Variants in ZC3HC1 observed in about 807,000 individuals in gnomAD.
The protein encoded by ZC3HC1 is zinc finger C3HC-type containing 1.
A neutral mutation model predicts 61.9 loss-of-function variants in ZC3HC1; 38 were observed. The observed-to-expected ratio is 0.61, with a 90% CI of 0.47 to 0.81. ZC3HC1 has a LOEUF of 0.81. ZC3HC1 is among the 30% of genes least tolerant of loss of function. The pLI is 0.00. For synonymous variants in ZC3HC1, 213 were observed against 229.9 expected (o/e 0.93, Z 0.67); for missense variants, 554 against 622.7 (o/e 0.89, Z 1.17).
chr7:130,037,864 G>A (rs1324190107), intron 4 of ZC3HC1, among the ~76,000 whole-genome samples: 1 of 152,162 alleles, frequency 6.6e-6, no homozygotes, highest in Non-Finnish European at 1.5e-5. Flanking sequence ...TGGGTCTAAA[G>A]AATTTTTTTA....
At chr7:130,045,495 G>A (rs1322365523) in intron 2 of ZC3HC1, 2 of 457,442 alleles carry the variant, frequency 4.4e-6, no homozygotes, top group South Asian at 3.1e-5. Context: ...TGGTCTATAG[G>A]AGACAAAATG....
Position 130,018,699 on chromosome 7 carries a change from T to G in ZC3HC1, c.1474A>C (p.Ile492Leu). 1 of 1,612,682 alleles carries G rather than the reference T, an allele frequency of 6.2e-7. No homozygotes were observed. The highest frequency in any genetic ancestry group is 1.1e-5 in the South Asian group (1 of 90,944). ...LSEKSRKVFR[I>L]FRQWESLCSC is the part of the protein sequence containing the mutation. ...CACAGAGATTCCCACTGCCGAAATA[T>G]TCGGAATACTTTCCTTGATTTCTCA... The change falls in exon 10 of 10, where the codon ATA (isoleucine) becomes CTA (leucine). Residue 492 changes from isoleucine to leucine, a missense_variant. By Grantham distance (5) the Ile-to-Leu change is conservative. Transcript: ENST00000358303.
intron 7 of ZC3HC1, 57 bp downstream of exon 7, chr7:130,024,206 A>T: frequency 6.5e-7 from 1 of 1,534,670 alleles, no homozygotes; most frequent in Non-Finnish European, 8.8e-7. Flanking sequence ...TTCTACCAAC[A>T]ACACTTTTGC....
At chr7:130,037,326 C>A (rs1282190721) in intron 4 of ZC3HC1, among the ~76,000 whole-genome samples, 1 of 152,136 alleles carries the variant, frequency 6.6e-6, no homozygotes, top group South Asian at 2.1e-4. Flanking sequence ...CGCCTGTAGT[C>A]CCAGCTACTC....
At chr7:130,043,748 A>T (rs1373294144) in intron 2 of ZC3HC1, 2 of 417,368 alleles carry the variant, frequency 4.8e-6, no homozygotes, top group African/African-American at 4.1e-5. Flanking sequence ...GTGGTATGTA[A>T]CAGGCATTCA....
At chr7:130,029,390 A>T (rs193226728) in intron 4 of ZC3HC1, among the ~76,000 whole-genome samples, 1 of 152,242 alleles carries the variant, frequency 6.6e-6, no homozygotes, top group East Asian at 1.9e-4. Context: ...ATAATAATAA[A>T]ATAAAATAAA....
intron 6 of ZC3HC1, among the ~76,000 whole-genome samples, chr7:130,025,870 CAAA>C (rs71175064): frequency 6.8e-5 from 4 of 58,580 alleles, no homozygotes; most frequent in Admixed American, 2.7e-4. Context: ...GACTCCGTCT[CAAA>C]AAAAAAAAAA....
At position 130,026,188 on chromosome 7, in the gene ZC3HC1, C is replaced by T; in HGVS notation, c.746G>A (p.Cys249Tyr). 3.7e-6 allele frequency: 6 copies of T among 1,614,094 alleles called. No homozygotes were observed. The highest frequency in any genetic ancestry group is 5.1e-6 in the Non-Finnish European group (6 of 1,179,986). ...CGCCCAGCCACACACAGAGAGAATA[C>T]AGGCAGTGACGTGGACTTGGATGTC... ...GSDIQVHVTA[C>Y]ILSVCGWACS... Residue 249 changes from cysteine to tyrosine, a missense_variant, in exon 6 of 10, where the codon TGT (cysteine) becomes TAT (tyrosine). Cys to Tyr is a radical substitution (Grantham distance 194). Coordinates refer to ENST00000358303, the MANE Select transcript of ZC3HC1 (RefSeq NM_016478.5).
In ZC3HC1 at chr7:130,031,848, C is replaced by A. The variant is rs147798925; in HGVS notation, c.494-2819G>T. On this transcript the variant is annotated intron_variant, in intron 4 of 9. Coordinates refer to ENST00000358303, the MANE Select transcript of ZC3HC1 (RefSeq NM_016478.5). ...TTGACTACTGAAGGTGTGCTCCCCCCACCACACACAGAGCTCCTTGGCAAG... is the reference window on the plus strand; with the variant it reads ...TTGACTACTGAAGGTGTGCTCCCCCAACCACACACAGAGCTCCTTGGCAAG... Among the ~76,000 whole-genome samples the A allele has an allele frequency of 1.3e-4, 20 of 152,290 alleles. No individual in the cohort carries two copies. The East Asian group carries it at 3.5e-3, about 26-fold the overall frequency.
At chr7:130,048,662 C>G (rs891592218) in intron 2 of ZC3HC1, among the ~76,000 whole-genome samples, 62 of 152,276 alleles carry the variant, frequency 4.1e-4, no homozygotes, top group African/African-American at 1.4e-3. Context: ...ACAGGTTCAT[C>G]TTGGGCAAGT....
At position 130,033,087 on chromosome 7, in the gene ZC3HC1, C is replaced by T. The variant is rs184618603; in HGVS notation, c.494-4058G>A. 1.3e-3 allele frequency among the ~76,000 whole-genome samples: 195 copies of T among 152,250 alleles called. 1 individual carries two copies. The highest frequency in any genetic ancestry group is 4.5e-3 in the African/African-American group (188 of 41,552). On this transcript the variant is annotated intron_variant, in intron 4 of 9. Coordinates refer to ENST00000358303, the MANE Select transcript of ZC3HC1 (RefSeq NM_016478.5). ...ACCATCTTTTTCCTTTGCTGCAGTG[C>T]AGTGGTGCAATCATGGCTCGCCACA...
chr7:130,018,998 T>A (rs1400959064), intron 9 of ZC3HC1, among the ~76,000 whole-genome samples: 2 of 152,050 alleles, frequency 1.3e-5, no homozygotes, highest in Non-Finnish European at 2.9e-5. Context: ...TCTTTGTACT[T>A]GAGGATGACA....
At chr7:130,046,759 T>C (rs1460237854) in intron 2 of ZC3HC1, among the ~76,000 whole-genome samples, 4 of 152,236 alleles carry the variant, frequency 2.6e-5, no homozygotes, top group African/African-American at 9.6e-5. Flanking sequence ...ATAGCTGGTA[T>C]GTGCTTACTT....
intron 1 of ZC3HC1, chr7:130,050,595 G>GT (rs1563088201): frequency 2.9e-6 from 3 of 1,044,054 alleles, no homozygotes; most frequent in Non-Finnish European, 4.0e-6. Context: ...ATGAATGAAG[G>GT]TAAAAACACC....
chr7:130,029,509 T>C (rs1385092072), intron 4 of ZC3HC1, among the ~76,000 whole-genome samples: 1 of 152,246 alleles, frequency 6.6e-6, no homozygotes, highest in African/African-American at 2.4e-5. Flanking sequence ...ATGATACTAC[T>C]GAGACCATGT....
chr7:130,045,228 C>G (rs765417539), intron 2 of ZC3HC1: 17 of 184,992 alleles, frequency 9.2e-5, no homozygotes, highest in Non-Finnish European at 1.4e-4. Context: ...TTTCAAATAG[C>G]TCAGGGAAAA....
chr7:130,051,345 GTCCC>G lies in ZC3HC1; in HGVS notation c.18_21del (p.Glu6AspfsTer6). On this transcript the variant is annotated frameshift_variant, in exon 1 of 10. Transcript: ENST00000358303. LOFTEE classifies it high-confidence loss of function. The stretch of plus-strand genomic sequence containing the variant: ...TTTTCAACCCCTACGGCAAACGCTT[GTCCC>G]TCACAGGGCGCCGCCATCTTGGTCC... The G allele has an allele frequency of 1.9e-6, 3 of 1,613,084 alleles. No homozygotes were observed. The highest frequency in any genetic ancestry group is 2.5e-6 in the Non-Finnish European group (3 of 1,179,466).
chr7:130,023,695 G>C lies in ZC3HC1; in HGVS notation c.1049C>G (p.Ser350Cys). The C allele has an allele frequency of 6.2e-7, 1 of 1,614,224 alleles. No individual in the cohort carries two copies. The highest frequency in any genetic ancestry group is 8.5e-7 in the Non-Finnish European group (1 of 1,180,032). The change falls in exon 8 of 10, where the codon TCT becomes TGT. Residue 350 changes from serine to cysteine, a missense_variant. Transcript: ENST00000358303. This position sits in a 1 kb window ranked among gnomAD's most constrained non-coding sequence, Gnocchi z 4.2. The stretch of plus-strand genomic sequence containing the variant: ...GGAAGAGTCCCAGCTCCGAGTTCGA[G>C]AGACAATGGGACCAGGGCTCTTTTC... ...QAEKSPGPIV[S>C]RTRSWDSSSP...
Position 130,039,363 on chromosome 7 carries a change from G to T in ZC3HC1, c.493+101C>A, listed in dbSNP as rs1028295226. The T allele has an allele frequency of 2.9e-5, 28 of 981,380 alleles. No homozygotes were observed. In the African/African-American group the frequency reaches 4.0e-4, roughly 14 times the overall value. 60.8% of individuals were successfully genotyped at this position (981,380 alleles called of 1,614,324 possible). A position where few individuals can be genotyped will look rare whatever the true frequency, so the allele number is the denominator to read the frequency against. ...CCATCTCAAAAAAAAAAAAGAAAAG[G>T]AGAAAAAGAAAGTTCAAAGACTAGG... On this transcript the variant is annotated intron_variant, in intron 4 of 9. Transcript: ENST00000358303.
Sources: gnomAD v4.1 joint callset for allele counts (sites outside exome capture counted in the v4.1 genomes callset) on GRCh38, gnomAD v4.1.1 for gene constraint, Gnocchi (gnomAD v3.1) non-coding constraint, MANE v1.5 for transcripts, NCBI Gene and HGNC (gene_info 2026-07-23, HGNC 2026-07-21) for gene names.